The following CACNG5 variants were observed in gnomAD, a reference collection of about 807,000 sequenced individuals.
CACNG5 encodes calcium voltage-gated channel auxiliary subunit gamma 5, also known as voltage-dependent calcium channel gamma-5 subunit.
Under a neutral mutation model 24.8 loss-of-function variants are expected in CACNG5, and 18 were observed. The observed-to-expected ratio is 0.73, with a 90% CI of 0.50 to 1.08. The LOEUF is 1.08. Among genes scored for constraint, CACNG5 ranks in the 50% least tolerant of loss-of-function variants. The pLI, the probability that CACNG5 is intolerant of heterozygous loss-of-function variation, is 0.00. For synonymous variants in CACNG5, 157 were observed against 149.1 expected (o/e 1.05, Z -0.39); for missense variants, 349 against 367.9 (o/e 0.95, Z 0.42).
At chr17:66,850,738 A>G (rs990040354) in intron 1 of CACNG5, among the ~76,000 whole-genome samples, 44 of 152,240 alleles carry the variant, frequency 2.9e-4, no homozygotes, top group African/African-American at 7.9e-4. Context: ...GGGGTGTTAG[A>G]GCTTTCCAAT....
chr17:66,872,828 C>G (rs1977028226), intron 1 of CACNG5, among the ~76,000 whole-genome samples: 1 of 152,126 alleles, frequency 6.6e-6, no homozygotes, highest in Non-Finnish European at 1.5e-5. Flanking sequence ...CAACAATATG[C>G]CCTATAGTAT....
In CACNG5 at chr17:66,877,307, T is replaced by C; in HGVS notation, c.-26T>C. 6.2e-7 allele frequency: 1 copy of C among 1,603,776 alleles called. No homozygotes were observed. Among genetic ancestry groups the C allele is most frequent in the South Asian group, 1.1e-5 (1 of 90,476 alleles). The stretch of plus-strand genomic sequence containing the variant: ...TCCGTGCTGGTGGGAGCGTGGCGAC[T>C]AGTTGCACAGCAACGGTCCAGGAAG... On this transcript the variant is annotated 5_prime_UTR_variant, in exon 2 of 6. Coordinates refer to ENST00000533854, the MANE Select transcript of CACNG5 (RefSeq NM_145811.3).
At chr17:66,845,209 G>A (rs143967578) in intron 1 of CACNG5, among the ~76,000 whole-genome samples, 2,008 of 152,218 alleles carry the variant, frequency 0.013, 47 homozygotes, top group African/African-American at 0.046. Flanking sequence ...ACCAAACACC[G>A]CATGTTCTCA....
chr17:66,861,060 G>T (rs1444158173), intron 1 of CACNG5, among the ~76,000 whole-genome samples: 1 of 151,858 alleles, frequency 6.6e-6, no homozygotes, highest in African/African-American at 2.4e-5. Context: ...AAGTATAATT[G>T]CATATTTCTT....
At position 66,891,706 on chromosome 17, in the gene CACNG5, C is replaced by G. The variant is rs1272597082; in HGVS notation, c.*6466C>G. On this transcript the variant is annotated 3_prime_UTR_variant, in exon 6 of 6. Coordinates refer to ENST00000533854, the MANE Select transcript of CACNG5 (RefSeq NM_145811.3). ...GGTTTATAGAGAAGAGAACGTAGAT[C>G]CCACCATCTCAGATGTGAGGAGTGT... Among the ~76,000 whole-genome samples, 1 of 152,188 alleles carries G rather than the reference C, an allele frequency of 6.6e-6. No homozygotes were observed. The highest frequency in any genetic ancestry group is 2.4e-5 in the African/African-American group (1 of 41,444).
At chr17:66,853,842 C>T (rs77290814) in intron 1 of CACNG5, among the ~76,000 whole-genome samples, 2,440 of 152,128 alleles carry the variant, frequency 0.016, 29 homozygotes, top group Non-Finnish European at 0.025. Context: ...TCATATGTAA[C>T]GGTAAAATGT....
chr17:66,867,876 T>G (rs1451833407), intron 1 of CACNG5, among the ~76,000 whole-genome samples: 3 of 152,244 alleles, frequency 2.0e-5, no homozygotes, highest in African/African-American at 7.2e-5. Context: ...TACTATAGTC[T>G]TGTAGTATAG....
chr17:66,870,338 A>G (rs1120577), intron 1 of CACNG5, among the ~76,000 whole-genome samples: 117,543 of 151,990 alleles, frequency 0.77, 45,795 homozygotes, highest in African/African-American at 0.86. Flanking sequence ...TGGAAGTTTA[A>G]TTGGGCTGTC....
At chr17:66,857,270 TC>T (rs1357106862) in intron 1 of CACNG5, among the ~76,000 whole-genome samples, 1 of 151,856 alleles carries the variant, frequency 6.6e-6, no homozygotes, top group Non-Finnish European at 1.5e-5. Flanking sequence ...GGTCTTGAAC[TC>T]CCAACCTCAA....
At chr17:66,852,512 C>T (rs1700891552) in intron 1 of CACNG5, among the ~76,000 whole-genome samples, 1 of 152,024 alleles carries the variant, frequency 6.6e-6, no homozygotes, top group African/African-American at 2.4e-5. Flanking sequence ...CAAGTTTTAC[C>T]AAACCTTTAA....
chr17:66,871,787 G>C (rs554745998), intron 1 of CACNG5, among the ~76,000 whole-genome samples: 78 of 151,044 alleles, frequency 5.2e-4, no homozygotes, highest in Non-Finnish European at 9.0e-4. Flanking sequence ...GTGCACCTGG[G>C]AGGCGGAGCT....
At chr17:66,873,698 G>A (rs1237008146) in intron 1 of CACNG5, among the ~76,000 whole-genome samples, 1 of 152,182 alleles carries the variant, frequency 6.6e-6, no homozygotes, top group Non-Finnish European at 1.5e-5. Flanking sequence ...CATATCTGCT[G>A]TCGTGTTTAA....
At chr17:66,846,897 G>T (rs1486246920) in intron 1 of CACNG5, among the ~76,000 whole-genome samples, 1 of 152,174 alleles carries the variant, frequency 6.6e-6, no homozygotes, top group East Asian at 1.9e-4. Flanking sequence ...AAAGTATGAG[G>T]GTTCCAATTT....
intron 1 of CACNG5, among the ~76,000 whole-genome samples, chr17:66,858,403 A>C (rs1223997200): frequency 6.6e-6 from 1 of 152,120 alleles, no homozygotes; most frequent in Non-Finnish European, 1.5e-5. Flanking sequence ...ATTATTGATG[A>C]GGCTCTGAGT....
At chr17:66,859,238 C>T (rs1976823875) in intron 1 of CACNG5, among the ~76,000 whole-genome samples, 1 of 152,184 alleles carries the variant, frequency 6.6e-6, no homozygotes, top group South Asian at 2.1e-4. Flanking sequence ...GTAGCTGGTA[C>T]ATCATTTCTC....
Position 66,891,394 on chromosome 17 carries a change from A to T in CACNG5, c.*6154A>T, listed in dbSNP as rs7222152. 0.11 allele frequency among the ~76,000 whole-genome samples: 16,764 copies of T among 152,236 alleles called. 1,001 individuals are homozygous for T. The highest frequency in any genetic ancestry group is 0.17 in the African/African-American group (6,948 of 41,542). On this transcript the variant is annotated 3_prime_UTR_variant, in exon 6 of 6. Transcript: ENST00000533854. The stretch of plus-strand genomic sequence containing the variant: ...AGGGGTTGGCTGGGCTCAGCAAGGC[A>T]GTTCTCACTCAGGATCTCCCAGGCA...
At chr17:66,840,769 C>G (rs1030052683) in intron 1 of CACNG5, among the ~76,000 whole-genome samples, 1 of 152,206 alleles carries the variant, frequency 6.6e-6, no homozygotes, top group Non-Finnish European at 1.5e-5. Flanking sequence ...ACCGCAGTGA[C>G]AGCGAGACCC....
At chr17:66,863,108 CT>C (rs1286741215) in intron 1 of CACNG5, among the ~76,000 whole-genome samples, 1 of 151,850 alleles carries the variant, frequency 6.6e-6, no homozygotes, top group Non-Finnish European at 1.5e-5. Flanking sequence ...TCTAGCCCTT[CT>C]TTTTTTTCTA....
intron 1 of CACNG5, among the ~76,000 whole-genome samples, chr17:66,870,179 T>C (rs879511716): frequency 1.3e-5 from 2 of 152,162 alleles, no homozygotes; most frequent in East Asian, 1.9e-4. Context: ...ATTTGGGAAG[T>C]GCTCAACTAG....
Sources: allele counts gnomAD v4.1 joint callset (sites outside exome capture counted in the v4.1 genomes callset), GRCh38; gene constraint gnomAD v4.1.1; transcripts MANE v1.5; gene names NCBI Gene and HGNC (gene_info 2026-07-23, HGNC 2026-07-21).